Variants in IL1R1 observed in about 807,000 individuals in gnomAD.
IL1R1 encodes interleukin-1 receptor type 1.
IL1R1 carries 22 observed loss-of-function variants against 50.2 expected under a neutral mutation model. That is an observed-to-expected ratio of 0.44 (90% CI 0.31 to 0.63). The LOEUF is 0.63. Ranked by LOEUF, IL1R1 falls within the 20% of genes least tolerant of loss-of-function variation. IL1R1 has a pLI of 0.07. For missense variants in IL1R1, 509 were observed against 676.2 expected, an observed-to-expected ratio of 0.75 and a Z score of 2.74; for synonymous variants, 251 against 236.7, an observed-to-expected ratio of 1.06 and a Z score of -0.55.
At chr2:102,080,569 A>G (rs1679160282) in intron 1 of IL1R1, among the ~76,000 whole-genome samples, 2 of 152,194 alleles carry the variant, frequency 1.3e-5, no homozygotes, top group African/African-American at 4.8e-5. Flanking sequence ...GAAATAATAA[A>G]TGTTAGTGAG....
intron 11 of IL1R1, chr2:102,176,018 T>G: frequency 2.2e-6 from 1 of 450,964 alleles, no homozygotes; most frequent in Non-Finnish European, 3.9e-6. Flanking sequence ...GGCCAATTTT[T>G]GAGTTAGTCT....
At chr2:102,171,682 A>G (rs1685685444) in intron 7 of IL1R1, 119 bp from the exon 8 acceptor site, 2 of 478,660 alleles carry the variant, frequency 4.2e-6, no homozygotes, top group South Asian at 4.0e-5. Context: ...GGTTTAGGGT[A>G]ATTTTCCTTT....
At chr2:102,089,095 T>C (rs1679550413) in intron 1 of IL1R1, among the ~76,000 whole-genome samples, 1 of 152,260 alleles carries the variant, frequency 6.6e-6, no homozygotes, top group South Asian at 2.1e-4. Flanking sequence ...GTAGCACTTT[T>C]AATGTCCTTC....
At chr2:102,115,579 G>T (rs1254991612) in intron 1 of IL1R1, among the ~76,000 whole-genome samples, 1 of 152,206 alleles carries the variant, frequency 6.6e-6, no homozygotes, top group Non-Finnish European at 1.5e-5. Context: ...CCATCAGAGA[G>T]GGGGAGATGA....
intron 9 of IL1R1, 31 bp downstream of exon 9, chr2:102,172,869 T>G (rs756842683): frequency 6.6e-7 from 1 of 1,518,022 alleles, no homozygotes; most frequent in Admixed American, 1.8e-5. Context: ...AATGCAGTTT[T>G]GTTTTACTGT....
At chr2:102,108,249 G>T (rs1177145342) in intron 1 of IL1R1, among the ~76,000 whole-genome samples, 5 of 150,822 alleles carry the variant, frequency 3.3e-5, no homozygotes, top group South Asian at 4.2e-4. Context: ...TGTGGGGGGG[G>T]GTGTGTATAA....
intron 1 of IL1R1, among the ~76,000 whole-genome samples, chr2:102,070,897 T>A (rs2104259082): frequency 6.6e-6 from 1 of 152,204 alleles, no homozygotes; most frequent in Admixed American, 6.5e-5. Context: ...AGGGTTGGGG[T>A]GGCTTGGGGA....
chr2:102,090,514 T>C (rs1200242451), intron 1 of IL1R1, among the ~76,000 whole-genome samples: 2 of 152,196 alleles, frequency 1.3e-5, no homozygotes, highest in East Asian at 1.9e-4. Context: ...TCTCTATGCA[T>C]TGGTTTTGAT....
chr2:102,070,599 A>T (rs1678672519), intron 1 of IL1R1: 1 of 152,136 alleles, frequency 6.6e-6, no homozygotes, highest in Admixed American at 6.6e-5. Flanking sequence ...TCGTTTTCAG[A>T]GTGGGAAGGC....
intron 1 of IL1R1, among the ~76,000 whole-genome samples, chr2:102,075,424 A>C (rs1678916279): frequency 6.6e-6 from 1 of 152,224 alleles, no homozygotes; most frequent in Non-Finnish European, 1.5e-5. Context: ...GTGATGCACA[A>C]AATTATAACA....
chr2:102,125,202 G>T (rs1379232313), intron 1 of IL1R1, among the ~76,000 whole-genome samples: 4 of 152,182 alleles, frequency 2.6e-5, no homozygotes, highest in Non-Finnish European at 5.9e-5. Flanking sequence ...TTACTCTGTA[G>T]AGTGTCTTGC....
chr2:102,136,203 A>G (rs1233630912), intron 1 of IL1R1, among the ~76,000 whole-genome samples: 1 of 152,148 alleles, frequency 6.6e-6, no homozygotes, highest in Non-Finnish European at 1.5e-5. Context: ...ATCCCAGAGT[A>G]GGAACAACTC....
At chr2:102,076,180 CT>C (rs66517619) in intron 1 of IL1R1, among the ~76,000 whole-genome samples, 104,573 of 115,144 alleles carry the variant, frequency 0.91, 47,110 homozygotes, top group East Asian at 0.93. Context: ...GCTTCGTATT[CT>C]TTTTTTTTTT....
chr2:102,090,972 A>G (rs1679642153), intron 1 of IL1R1, among the ~76,000 whole-genome samples: 1 of 152,218 alleles, frequency 6.6e-6, no homozygotes. Flanking sequence ...AGGTATTGGT[A>G]AACTCAGTCC....
At chr2:102,149,093 G>T (rs1577964281) in intron 1 of IL1R1, among the ~76,000 whole-genome samples, 1 of 152,168 alleles carries the variant, frequency 6.6e-6, no homozygotes, top group Non-Finnish European at 1.5e-5. Context: ...CATTTCATGA[G>T]CTAAAGAACC....
chr2:102,133,174 G>A (rs184208568), intron 1 of IL1R1, among the ~76,000 whole-genome samples: 3 of 148,680 alleles, frequency 2.0e-5, no homozygotes, highest in African/African-American at 7.5e-5. Context: ...AACCCAGGAG[G>A]CGGAGCTTGC....
chr2:102,161,150 A>C (rs1433026090), intron 3 of IL1R1, among the ~76,000 whole-genome samples: 1 of 152,184 alleles, frequency 6.6e-6, no homozygotes, highest in Non-Finnish European at 1.5e-5. Context: ...TTTCCTTATC[A>C]TTCAGATACA....
upstream of IL1R1, among the ~76,000 whole-genome samples, chr2:102,138,318 G>T (rs1682455485): frequency 6.6e-6 from 1 of 152,212 alleles, no homozygotes; most frequent in Non-Finnish European, 1.5e-5. Context: ...CCAGGTGCAA[G>T]AAGCCTCTTT....
At chr2:102,087,336 C>G (rs1679473124) in intron 1 of IL1R1, among the ~76,000 whole-genome samples, 1 of 152,174 alleles carries the variant, frequency 6.6e-6, no homozygotes, top group South Asian at 2.1e-4. Context: ...CCACAGCGAT[C>G]AACTCTTCTC....
Sources: allele counts gnomAD v4.1 joint callset (sites outside exome capture counted in the v4.1 genomes callset), GRCh38; gene constraint gnomAD v4.1.1; transcripts MANE v1.5; gene names NCBI Gene and HGNC (gene_info 2026-07-23, HGNC 2026-07-21).